The following BRD4 variants were observed in gnomAD, a reference collection of about 807,000 sequenced individuals.
The protein encoded by BRD4 is bromodomain containing 4.
Under a neutral mutation model 142.1 loss-of-function variants are expected in BRD4, and 16 were observed. The observed-to-expected ratio is 0.11, with a 90% CI of 0.08 to 0.17. The LOEUF (loss-of-function observed/expected upper bound fraction) is 0.17. Among genes scored for constraint, BRD4 ranks in the 10% least tolerant of loss-of-function variants. The probability of loss-of-function intolerance (pLI) is 1.00; values close to 1 mark genes in which losing one functional copy is unlikely to be tolerated. For missense variants in BRD4, 1,424 were observed against 1,810.9 expected, an observed-to-expected ratio of 0.79 and a Z score of 3.88; for synonymous variants, 833 against 707.5, an observed-to-expected ratio of 1.18 and a Z score of -2.82.
intron 1 of BRD4, among the ~76,000 whole-genome samples, chr19:15,313,547 G>A (rs1443404401): frequency 6.6e-6 from 1 of 151,578 alleles, no homozygotes; most frequent in East Asian, 1.9e-4. Flanking sequence ...GTGGTGGTGG[G>A]TGCCTGTAAT....
intron 11 of BRD4, among the ~76,000 whole-genome samples, chr19:15,251,517 C>A (rs1183169321): frequency 1.3e-5 from 2 of 150,058 alleles, no homozygotes; most frequent in South Asian, 2.1e-4. Flanking sequence ...AATGTTCCCC[C>A]ACCCTGACCC....
At chr19:15,291,777 G>A (rs2047783607) in intron 1 of BRD4, among the ~76,000 whole-genome samples, 1 of 152,158 alleles carries the variant, frequency 6.6e-6, no homozygotes, top group Non-Finnish European at 1.5e-5. Flanking sequence ...ATATGCCTTT[G>A]AGAATTAATG....
chr19:15,251,270 G>A (rs1261452558), intron 11 of BRD4, among the ~76,000 whole-genome samples: 2 of 152,014 alleles, frequency 1.3e-5, no homozygotes, highest in South Asian at 2.1e-4. Context: ...GCTACCAAGA[G>A]GGGTGTTCAT....
chr19:15,266,127 C>T (rs979802382), intron 4 of BRD4, among the ~76,000 whole-genome samples: 2 of 152,224 alleles, frequency 1.3e-5, no homozygotes, highest in African/African-American at 4.8e-5. Context: ...TGGACTGCTG[C>T]CCTTCATGAC....
rs201222649 is a variant in BRD4 at position 15,242,901 on chromosome 19, G to A, written c.3168C>T (p.Thr1056=). 3.6e-5 allele frequency: 58 copies of A among 1,605,230 alleles called. No homozygotes were observed. Among genetic ancestry groups the A allele is most frequent in the Non-Finnish European group, 3.5e-5 (41 of 1,176,730 alleles). Reference sequence around the variant, plus strand: ...AGTCTACGGGTGAGGACCACTTACCGGTTGAGTAGGGGTCCGACTTGTGGT... The same window carrying A: ...AGTCTACGGGTGAGGACCACTTACCAGTTGAGTAGGGGTCCGACTTGTGGT... ...PRHHKSDPYS[T]GHLREAPSPL... is the part of the protein sequence containing the mutation. The change falls in exon 14 of 20, where the codon ACC becomes ACT. Residue 1056 remains threonine, a splice_region_variant and synonymous_variant. Transcript: ENST00000679869.
chr19:15,294,709 G>A (rs1255427294), intron 1 of BRD4, among the ~76,000 whole-genome samples: 1 of 152,202 alleles, frequency 6.6e-6, no homozygotes, highest in Admixed American at 6.5e-5. Context: ...GTAAATGATG[G>A]CTGGGTGCCA....
intron 11 of BRD4, among the ~76,000 whole-genome samples, chr19:15,246,827 G>A (rs967260345): frequency 1.3e-5 from 2 of 152,134 alleles, no homozygotes; most frequent in African/African-American, 4.8e-5. Flanking sequence ...AGGCAAGGCA[G>A]GCCTAAAAAG....
chr19:15,266,204 C>T (rs1051743080), intron 4 of BRD4, among the ~76,000 whole-genome samples: 1 of 152,172 alleles, frequency 6.6e-6, no homozygotes, highest in Admixed American at 6.5e-5. Context: ...CGTGGCACAC[C>T]CAACCAGCTG....
In BRD4 at chr19:15,242,979, C is replaced by T. The variant is rs751258438; in HGVS notation, c.3090G>A (p.Pro1030=). ...CTTGCTGAGGCTTGGCAGGCTGCGG[C>T]GGGGGTGGCTGCTGGCCTGGGGGCG... is the stretch of plus-strand genomic sequence containing the variant. The part of the protein sequence containing the change: ...PHPPPGQQPP[P]PQPAKPQQVI... Residue 1030 remains proline (P), a synonymous_variant, in exon 14 of 20, where the codon CCG becomes CCA. Transcript: ENST00000679869. 29 of 449,372 alleles carry T rather than the reference C, an allele frequency of 6.5e-5. No individual in the cohort carries two copies. The highest frequency in any genetic ancestry group is 1.3e-3 in the Middle Eastern group (2 of 1,540). 27.8% of individuals were successfully genotyped at this position (449,372 alleles called of 1,614,324 possible).
At position 15,244,584 on chromosome 19, in the gene BRD4, T is replaced by C; in HGVS notation, c.2228A>G (p.His743Arg). ...REQKKHHHHH[H>R]QQMQQAPAPV... Reference sequence around the variant, plus strand: ...AGCCGGGGCCTGCTGCATCTGCTGATGGTGGTGATGATGGTGCTGCAGACA... The same window carrying C: ...AGCCGGGGCCTGCTGCATCTGCTGACGGTGGTGATGATGGTGCTGCAGACA... Residue 743 changes from histidine (H) to arginine (R), a missense_variant, in exon 13 of 20, where the codon CAT becomes CGT. His to Arg is a conservative substitution (Grantham distance 29). Around this residue, in one of 16 missense-constraint regions of BRD4, gnomAD observed 598 missense variants for 647.8 expected, o/e 0.92. Coordinates refer to ENST00000679869, the MANE Select transcript of BRD4 (RefSeq NM_001379291.1). 1 of 1,610,348 alleles carries C rather than the reference T, an allele frequency of 6.2e-7. No homozygotes were observed. Among genetic ancestry groups the C allele is most frequent in the Non-Finnish European group, 8.5e-7 (1 of 1,179,762 alleles).
chr19:15,257,900 A>T (rs2047429963), intron 7 of BRD4, among the ~76,000 whole-genome samples: 1 of 152,216 alleles, frequency 6.6e-6, no homozygotes, highest in Admixed American at 6.5e-5. Context: ...CCTAAGATCC[A>T]GCAATCAGAT....
intron 14 of BRD4, among the ~76,000 whole-genome samples, chr19:15,241,470 G>C (rs2047237220): frequency 6.6e-6 from 1 of 152,218 alleles, no homozygotes; most frequent in African/African-American, 2.4e-5. Flanking sequence ...CTAACAACTT[G>C]GCTTTTGGCC....
chr19:15,253,331 G>C (rs1411501766), intron 11 of BRD4: 14 of 578,262 alleles, frequency 2.4e-5, no homozygotes, highest in Non-Finnish European at 3.7e-5. Flanking sequence ...TGAGAATAAT[G>C]AGGAAAGTGC....
At chr19:15,308,327 C>G (rs1034039489) in intron 1 of BRD4, among the ~76,000 whole-genome samples, 2 of 142,900 alleles carry the variant, frequency 1.4e-5, no homozygotes, top group South Asian at 2.3e-4. Context: ...GGTGGCTCAC[C>G]CCTGTAATCC....
In BRD4 at chr19:15,262,432, T is replaced by C. The variant is rs373862823; in HGVS notation, c.1341+988A>G. On this transcript the variant is annotated intron_variant, in intron 7 of 19. Transcript: ENST00000679869. ...GAATTTAAAAAAGAAGATGAGTCTC[T>C]AATCCCAGCACTCTGAGAGTCCGAG... Among the ~76,000 whole-genome samples the C allele has an allele frequency of 8.8e-5, 13 of 148,214 alleles. No individual in the cohort carries two copies. The East Asian group carries it at 2.4e-3, about 27-fold the overall frequency.
intron 11 of BRD4, chr19:15,247,187 C>G (rs1248641272): frequency 4.3e-6 from 1 of 230,410 alleles, no homozygotes; most frequent in East Asian, 6.2e-5. Flanking sequence ...CACCCACCCC[C>G]CAGCCCCACT....
chr19:15,294,474 C>G (rs892519906), intron 1 of BRD4, among the ~76,000 whole-genome samples: 2 of 152,276 alleles, frequency 1.3e-5, no homozygotes, highest in Non-Finnish European at 2.9e-5. Context: ...GCACTGAACT[C>G]AAGCGAAGCT....
At chr19:15,289,107 C>G (rs2047761991) in intron 1 of BRD4, among the ~76,000 whole-genome samples, 1 of 152,202 alleles carries the variant, frequency 6.6e-6, no homozygotes, top group South Asian at 2.1e-4. Context: ...CTCCCCGACA[C>G]AGGCCCCATA....
chr19:15,243,661 C>T (rs370067263), intron 13 of BRD4, among the ~76,000 whole-genome samples, 174 bp from the exon 14 acceptor site: 28 of 152,182 alleles, frequency 1.8e-4, no homozygotes, highest in African/African-American at 6.8e-4. Flanking sequence ...CAGTAAACAG[C>T]TTCCAGAGAG....
Sources: gnomAD v4.1 joint callset for allele counts (sites outside exome capture counted in the v4.1 genomes callset) on GRCh38, gnomAD v4.1.1 for gene constraint, gnomAD v4.1.1 regional missense constraint, MANE v1.5 for transcripts, NCBI Gene and HGNC (gene_info 2026-07-23, HGNC 2026-07-21) for gene names.